The following PEX14 variants were observed in gnomAD, a reference collection of about 807,000 sequenced individuals.
PEX14 encodes peroxisomal biogenesis factor 14.
PEX14 carries 15 observed loss-of-function variants against 49.5 expected under a neutral mutation model. The observed-to-expected ratio is 0.30, with a 90% CI of 0.20 to 0.47. The LOEUF is 0.47. Ranked by LOEUF, PEX14 falls within the 20% of genes least tolerant of loss-of-function variation. The pLI is 1.00. For missense variants in PEX14, 398 were observed against 494.8 expected, an observed-to-expected ratio of 0.80 and a Z score of 1.86; for synonymous variants, 210 against 212.7, an observed-to-expected ratio of 0.99 and a Z score of 0.11.
intron 3 of PEX14, among the ~76,000 whole-genome samples, chr1:10,562,904 TTC>T (rs1639689619): frequency 1.0e-5 from 1 of 96,610 alleles, no homozygotes; most frequent in Non-Finnish European, 2.5e-5. Flanking sequence ...TTTTCTTTTT[TTC>T]TTTCTTTCTT....
Position 10,539,750 on chromosome 1 carries a change from T to G in PEX14, c.169+3453T>G, listed in dbSNP as rs919410222. 1.3e-4 allele frequency among the ~76,000 whole-genome samples: 20 copies of G among 151,898 alleles called. No individual in the cohort carries two copies. Among genetic ancestry groups the G allele is most frequent in the Non-Finnish European group, 2.6e-4 (18 of 67,996 alleles). On this transcript the variant is annotated intron_variant, in intron 3 of 8. Coordinates refer to ENST00000356607, the MANE Select transcript of PEX14 (RefSeq NM_004565.3). The surrounding 1 kb of genome is among the most constrained non-coding windows in gnomAD (Gnocchi z 4.6). ...TTGTCGTCAATAGGCTTGTGTTGAT[T>G]TGACACCCTATCCAGCCACAAAATG...
intron 5 of PEX14, among the ~76,000 whole-genome samples, chr1:10,621,739 CTG>C (rs547809183): frequency 1.3e-5 from 2 of 152,262 alleles, no homozygotes; most frequent in African/African-American, 4.8e-5. Context: ...ATAGCTCACA[CTG>C]TGGTTGAAAA....
intron 2 of PEX14, among the ~76,000 whole-genome samples, chr1:10,526,111 C>T (rs903563899): frequency 2.9e-4 from 42 of 145,850 alleles, no homozygotes; most frequent in Non-Finnish European, 3.1e-4. Context: ...TTAGTAGAGA[C>T]GGGTTTCACC....
intron 3 of PEX14, among the ~76,000 whole-genome samples, chr1:10,578,882 T>C (rs1171853759): frequency 6.6e-6 from 1 of 152,052 alleles, no homozygotes; most frequent in Non-Finnish European, 1.5e-5. Context: ...AACTGAAGTA[T>C]GGAGAGGAAA....
At chr1:10,600,987 C>T (rs371021817) in intron 4 of PEX14, among the ~76,000 whole-genome samples, 3 of 151,390 alleles carry the variant, frequency 2.0e-5, no homozygotes, top group South Asian at 2.1e-4. Flanking sequence ...ACAGGCCGGG[C>T]GCGGTGGCTC....
intron 2 of PEX14, among the ~76,000 whole-genome samples, chr1:10,530,877 T>A (rs1268887275): frequency 6.6e-6 from 1 of 152,228 alleles, no homozygotes; most frequent in Non-Finnish European, 1.5e-5. Context: ...CCTGCCACAC[T>A]GAGAATGACA....
intron 1 of PEX14, among the ~76,000 whole-genome samples, chr1:10,476,724 C>G (rs576866525): frequency 6.6e-6 from 1 of 152,240 alleles, no homozygotes; most frequent in Non-Finnish European, 1.5e-5. Flanking sequence ...CTCCTGACTT[C>G]AAGTGATCTG....
At chr1:10,574,817 A>G (rs1159799752) in intron 3 of PEX14, among the ~76,000 whole-genome samples, 1 of 152,206 alleles carries the variant, frequency 6.6e-6, no homozygotes, top group Non-Finnish European at 1.5e-5. Flanking sequence ...GCTAATCAAA[A>G]GAAACAGAAT....
At chr1:10,607,655 T>G (rs1277108973) in intron 4 of PEX14, among the ~76,000 whole-genome samples, 2 of 152,212 alleles carry the variant, frequency 1.3e-5, no homozygotes, top group Non-Finnish European at 2.9e-5. Context: ...GAACCTCTCT[T>G]TGTGTGTTTA....
intron 3 of PEX14, among the ~76,000 whole-genome samples, chr1:10,582,614 G>C (rs535921741): frequency 2.0e-5 from 3 of 152,318 alleles, no homozygotes; most frequent in African/African-American, 7.2e-5. Flanking sequence ...TGGAACATCA[G>C]GGGTGGAAGA....
intron 4 of PEX14, among the ~76,000 whole-genome samples, chr1:10,615,293 G>A (rs1024651887): frequency 3.3e-5 from 5 of 152,136 alleles, no homozygotes; most frequent in Admixed American, 1.3e-4. Flanking sequence ...CACAGACAGC[G>A]GGCTAATATC....
intron 2 of PEX14, among the ~76,000 whole-genome samples, chr1:10,513,594 C>T (rs755921501): frequency 4.1e-4 from 62 of 152,188 alleles, no homozygotes; most frequent in Non-Finnish European, 7.6e-4. Context: ...GATATCTTCC[C>T]CTTCCCTGGG....
intron 4 of PEX14, among the ~76,000 whole-genome samples, chr1:10,609,701 A>G (rs757721495): frequency 2.6e-5 from 4 of 152,120 alleles, no homozygotes; most frequent in African/African-American, 9.7e-5. Flanking sequence ...CCTGGCCAAC[A>G]TGGTGAAACC....
rs189153260 is a variant in PEX14 at position 10,568,243 on chromosome 1, A to T, written c.170-30995A>T. Among the ~76,000 whole-genome samples the T allele has an allele frequency of 4.6e-5, 7 of 152,164 alleles. No homozygotes were observed. In the East Asian group the frequency reaches 1.4e-3, roughly 29 times the overall value. On this transcript the variant is annotated intron_variant, in intron 3 of 8. Coordinates refer to ENST00000356607, the MANE Select transcript of PEX14 (RefSeq NM_004565.3). ...ACGTATGATGTGTTTCTGATTTTAA[A>T]TAATATGCTTTTATATCTTTTTAAT... is the stretch of plus-strand genomic sequence containing the variant.
chr1:10,583,261 C>A (rs1453243827), intron 3 of PEX14, among the ~76,000 whole-genome samples: 1 of 151,468 alleles, frequency 6.6e-6, no homozygotes, highest in Non-Finnish European at 1.5e-5. Flanking sequence ...GTTTTGTCAC[C>A]CAGGCTGGAG....
At chr1:10,606,744 C>A (rs1243856431) in intron 4 of PEX14, among the ~76,000 whole-genome samples, 1 of 152,194 alleles carries the variant, frequency 6.6e-6, no homozygotes, top group Admixed American at 6.5e-5. Context: ...CTCTTGGTCC[C>A]AGCTGCAAGC....
intron 2 of PEX14, among the ~76,000 whole-genome samples, chr1:10,520,145 C>CTTTTTTTTTTTTTT (rs1412156646): frequency 9.3e-5 from 6 of 64,448 alleles, no homozygotes; most frequent in African/African-American, 3.0e-4. Flanking sequence ...TGGCCTTCTT[C>CTTTTTTTTTTTTTT]TTCTTTTTTT....
chr1:10,604,016 G>A (rs1224166570), intron 4 of PEX14, among the ~76,000 whole-genome samples: 1 of 152,138 alleles, frequency 6.6e-6, no homozygotes, highest in Non-Finnish European at 1.5e-5. Flanking sequence ...CTTATCTGTG[G>A]TTATCTTAAT....
chr1:10,505,226 T>G (rs1641760687), intron 2 of PEX14, among the ~76,000 whole-genome samples: 1 of 152,122 alleles, frequency 6.6e-6, no homozygotes, highest in African/African-American at 2.4e-5. Context: ...TCCCAGCACC[T>G]TGCGAGGCTG....
Sources: allele counts gnomAD v4.1 joint callset (sites outside exome capture counted in the v4.1 genomes callset), GRCh38; gene constraint gnomAD v4.1.1; non-coding constraint Gnocchi (gnomAD v3.1); transcripts MANE v1.5; gene names NCBI Gene and HGNC (gene_info 2026-07-23, HGNC 2026-07-21).